The following GRIA3 variants were observed in gnomAD, a reference collection of about 807,000 sequenced individuals.
The protein encoded by GRIA3 is glutamate receptor 3.
GRIA3 carries 3 observed loss-of-function variants against 63.0 expected under a neutral mutation model. The ratio of observed to expected loss-of-function variants is 0.05; its 90% CI spans 0.02 to 0.12. GRIA3 has a LOEUF of 0.12. Among genes scored for constraint, GRIA3 ranks in the 10% least tolerant of loss-of-function variants. The pLI is 1.00. For missense variants in GRIA3, 347 were observed against 700.9 expected (o/e 0.50, Z 5.70); for synonymous variants, 274 against 257.9 (o/e 1.06, Z -0.60).
At chrX:123,394,766 G>A (rs185913349) in intron 5 of GRIA3, among the ~76,000 whole-genome samples, 51 of 112,311 alleles carry the variant, frequency 4.5e-4, no homozygotes, top group African/African-American at 1.5e-3. Context: ...GAACTAAAAT[G>A]GAAGAATGCA....
At chrX:123,363,626 T>C (rs2045191404) in intron 5 of GRIA3, among the ~76,000 whole-genome samples, 1 of 112,332 alleles carries the variant, frequency 8.9e-6, no homozygotes, top group African/African-American at 3.2e-5. Context: ...AACAGAAGCT[T>C]ACAAGACCCT....
chrX:123,444,888 T>C (rs750587123), intron 12 of GRIA3, among the ~76,000 whole-genome samples: 1 of 111,442 alleles, frequency 9.0e-6, no homozygotes, highest in South Asian at 3.8e-4. Context: ...AGTGTGATCA[T>C]ATTCAAAGGC....
At chrX:123,290,111 G>A (rs1398295630) in intron 3 of GRIA3, among the ~76,000 whole-genome samples, 1 of 110,696 alleles carries the variant, frequency 9.0e-6, no homozygotes, top group African/African-American at 3.3e-5. Context: ...GAAAATAACC[G>A]AGAGCAACAT....
intron 3 of GRIA3, among the ~76,000 whole-genome samples, chrX:123,279,010 G>A (rs771653700): frequency 9.0e-6 from 1 of 111,445 alleles, no homozygotes; most frequent in Non-Finnish European, 1.9e-5. Context: ...AGATCACTTT[G>A]GGTAGTATGG....
chrX:123,207,893 T>C (rs1927935572), intron 2 of GRIA3, among the ~76,000 whole-genome samples: 1 of 111,497 alleles, frequency 9.0e-6, no homozygotes, highest in African/African-American at 3.3e-5. Context: ...ATATAGGGAC[T>C]CCCTCCTGGA....
chrX:123,461,607 A>G (rs760303307), intron 12 of GRIA3, among the ~76,000 whole-genome samples: 6 of 111,879 alleles, frequency 5.4e-5, no homozygotes, highest in Non-Finnish European at 9.4e-5. Flanking sequence ...ATCATACATA[A>G]GAGTTTGGAT....
intron 5 of GRIA3, among the ~76,000 whole-genome samples, chrX:123,372,958 T>G (rs769674587): frequency 9.1e-6 from 1 of 109,484 alleles, no homozygotes; most frequent in South Asian, 4.0e-4. Context: ...GTTGGTGTGC[T>G]GCACCCATTA....
intron 5 of GRIA3, among the ~76,000 whole-genome samples, chrX:123,390,609 G>A (rs12010785): frequency 0.041 from 4,577 of 111,737 alleles, 185 homozygotes; most frequent in African/African-American, 0.13. Flanking sequence ...TGACTACAAT[G>A]TGCCATGGAG....
At chrX:123,339,406 CTG>C (rs1433030327) in intron 4 of GRIA3, among the ~76,000 whole-genome samples, 1 of 112,012 alleles carries the variant, frequency 8.9e-6, no homozygotes, top group East Asian at 2.8e-4. Flanking sequence ...CTGCCTATCT[CTG>C]TAGTCCTGGA....
chrX:123,402,869 G>C, intron 7 of GRIA3, 125 bp from the exon 8 acceptor site: 2 of 468,894 alleles, frequency 4.3e-6, no homozygotes, highest in Admixed American at 2.5e-5. Context: ...CTGGTGGATA[G>C]AGCTCAATGA....
At chrX:123,322,738 A>G (rs1416928401) in intron 3 of GRIA3, among the ~76,000 whole-genome samples, 1 of 111,755 alleles carries the variant, frequency 8.9e-6, no homozygotes, top group East Asian at 2.8e-4. Flanking sequence ...GTACACAGCC[A>G]CATGCTTAAG....
chrX:123,294,055 T>A (rs201384813), intron 3 of GRIA3, among the ~76,000 whole-genome samples: 4 of 103,172 alleles, frequency 3.9e-5, no homozygotes, highest in Non-Finnish European at 2.0e-5. Context: ...TCCTTGCTAA[T>A]AAAAAAAAAA....
chrX:123,417,994 G>T (rs1329444290), intron 11 of GRIA3: 1 of 400,602 alleles, frequency 2.5e-6, no homozygotes, highest in Non-Finnish European at 4.3e-6. Flanking sequence ...CTATGGTATT[G>T]TATATACATT....
At chrX:123,393,414 T>C (rs2045397051) in intron 5 of GRIA3, among the ~76,000 whole-genome samples, 1 of 112,445 alleles carries the variant, frequency 8.9e-6, no homozygotes. Context: ...TAAAACCTTT[T>C]TTAGACTGTT....
At chrX:123,303,121 G>A (rs1296121848) in intron 3 of GRIA3, among the ~76,000 whole-genome samples, 1 of 110,725 alleles carries the variant, frequency 9.0e-6, no homozygotes, top group Non-Finnish European at 1.9e-5. Context: ...TCAGATATTG[G>A]GTTGCAGGAT....
At chrX:123,346,817 T>C (rs1249012401) in intron 4 of GRIA3, among the ~76,000 whole-genome samples, 1 of 111,917 alleles carries the variant, frequency 8.9e-6, no homozygotes, top group Admixed American at 9.5e-5. Flanking sequence ...AGCCCCAGAA[T>C]TGGCACAGAG....
intron 5 of GRIA3, among the ~76,000 whole-genome samples, chrX:123,385,793 C>T (rs1347505614): frequency 9.0e-6 from 1 of 111,500 alleles, no homozygotes; most frequent in African/African-American, 3.3e-5. Flanking sequence ...CTTGGCTTGG[C>T]TGTTGTTGGT....
At chrX:123,440,452 G>A (rs1008006610) in intron 12 of GRIA3, among the ~76,000 whole-genome samples, 1 of 112,259 alleles carries the variant, frequency 8.9e-6, no homozygotes, top group South Asian at 3.7e-4. Context: ...AACCTCACCA[G>A]CATCTACTAT....
intron 10 of GRIA3, among the ~76,000 whole-genome samples, chrX:123,415,811 G>T (rs1387884341): frequency 8.9e-6 from 1 of 111,910 alleles, no homozygotes; most frequent in Non-Finnish European, 1.9e-5. Context: ...TGTTTTGTCT[G>T]TCTTGTTCAC....
Sources: allele counts gnomAD v4.1 joint callset (sites outside exome capture counted in the v4.1 genomes callset), GRCh38; gene constraint gnomAD v4.1.1; transcripts MANE v1.5; gene names NCBI Gene and HGNC (gene_info 2026-07-23, HGNC 2026-07-21).